PITRM1: variants seen among roughly 807,000 people sequenced by gnomAD.
The protein encoded by PITRM1 is pitrilysin metallopeptidase 1.
Under a neutral mutation model 129.9 loss-of-function variants are expected in PITRM1, and 100 were observed. The observed-to-expected ratio is 0.77, with a 90% CI of 0.65 to 0.91. PITRM1 has a LOEUF of 0.91. Ranked by LOEUF, PITRM1 falls within the 40% of genes least tolerant of loss-of-function variation. PITRM1 has a pLI of 0.00. For missense variants in PITRM1, 1,471 were observed against 1,318.3 expected (o/e 1.12, Z -1.79); for synonymous variants, 591 against 508.8 (o/e 1.16, Z -2.17).
chr10:3,161,968 C>T (rs1290042472), intron 7 of PITRM1, among the ~76,000 whole-genome samples: 1 of 151,782 alleles, frequency 6.6e-6, no homozygotes, highest in South Asian at 2.1e-4. Context: ...CTCAGAAGTT[C>T]AAGACCAGCC....
chr10:3,138,492 C>A (rs1360126695), intron 25 of PITRM1, 155 bp from the exon 26 acceptor site: 1 of 654,548 alleles, frequency 1.5e-6, no homozygotes, highest in Non-Finnish European at 2.7e-6. Context: ...GAGATCACAC[C>A]CCGACCTCCA....
Position 3,163,718 on chromosome 10 carries a change from A to G in PITRM1, c.791+7T>C. The G allele has an allele frequency of 6.3e-7, 1 of 1,589,116 alleles. No homozygotes were observed. Among genetic ancestry groups the G allele is most frequent in the Non-Finnish European group, 8.6e-7 (1 of 1,167,772 alleles). Reference sequence around the variant, plus strand: ...TCCACCATCAAACTTTTCCAACAAAATATTACCTAGCATTGCTTGGGTGAT... The same window carrying G: ...TCCACCATCAAACTTTTCCAACAAAGTATTACCTAGCATTGCTTGGGTGAT... On this transcript the variant is annotated splice_region_variant and intron_variant, in intron 7 of 26. Coordinates refer to ENST00000224949, the MANE Select transcript of PITRM1 (RefSeq NM_014889.4).
intron 11 of PITRM1, 38 bp downstream of exon 11, chr10:3,158,002 G>A (rs767882879): frequency 1.3e-5 from 17 of 1,275,624 alleles, no homozygotes; most frequent in East Asian, 1.1e-4. Flanking sequence ...ACAGGAATGA[G>A]GAACGAAAGC....
intron 2 of PITRM1, 53 bp downstream of exon 2, chr10:3,170,051 C>T: frequency 7.4e-7 from 1 of 1,355,308 alleles, no homozygotes; most frequent in South Asian, 1.2e-5. Flanking sequence ...AGGCCAGAAG[C>T]CGCACCTGCA....
intron 1 of PITRM1, chr10:3,172,035 C>G: frequency 3.0e-6 from 1 of 329,508 alleles, no homozygotes; most frequent in Non-Finnish European, 6.1e-6. Context: ...ACTGATTTAG[C>G]AAATTTCAGA....
rs551378161 is a variant in PITRM1 at position 3,145,374 on chromosome 10, G to A, written c.2457+222C>T. 4.8e-5 allele frequency: 26 copies of A among 544,602 alleles called. No individual in the cohort carries two copies. The Middle Eastern group carries it at 1.5e-3, about 31-fold the overall frequency. 33.7% of individuals were successfully genotyped at this position (544,602 alleles called of 1,614,324 possible). ...CTCACTGCAAGGCACAGAAGTGAGC[G>A]CGGGATCTAAGGCCACACCGCAGGG... On this transcript the variant is annotated intron_variant, in intron 21 of 26. Transcript: ENST00000224949.
At chr10:3,157,574 G>T (rs375640403) in intron 11 of PITRM1, 43 bp from the exon 12 acceptor site, 3 of 1,271,744 alleles carry the variant, frequency 2.4e-6, no homozygotes, top group East Asian at 4.7e-5. Flanking sequence ...AGACACAATG[G>T]CTCATGCTTG....
chr10:3,152,794 G>A (rs984226629), intron 14 of PITRM1, among the ~76,000 whole-genome samples: 7 of 152,206 alleles, frequency 4.6e-5, no homozygotes, highest in African/African-American at 1.7e-4. Context: ...TGGTCCCTGG[G>A]CCCACCTGCG....
chr10:3,163,840 G>C lies in PITRM1; in HGVS notation c.676C>G (p.Leu226Val). 1 of 1,612,382 alleles carries C rather than the reference G, an allele frequency of 6.2e-7. No individual in the cohort carries two copies. The highest frequency in any genetic ancestry group is 8.5e-7 in the Non-Finnish European group (1 of 1,178,982). Residue 226 changes from leucine to valine, a missense_variant, in exon 7 of 27, where the codon CTT (leucine) becomes GTT (valine). By Grantham distance (32) the Leu-to-Val change is conservative (BLOSUM62 1). Coordinates refer to ENST00000224949, the MANE Select transcript of PITRM1 (RefSeq NM_014889.4). ...IFSQHLQNRL[L>V]PDHTYSVVSG... Reference sequence around the variant, plus strand: ...ACCACTGAGTACGTGTGGTCAGGAAGAAGTCTGTTCTGAAGGTGCTGGGAG... The same window carrying C: ...ACCACTGAGTACGTGTGGTCAGGAACAAGTCTGTTCTGAAGGTGCTGGGAG...
Position 3,149,966 on chromosome 10 carries a change from C to A in PITRM1, c.1739-213G>T, listed in dbSNP as rs2291104. Among the ~76,000 whole-genome samples the A allele has an allele frequency of 0.67, 102,103 of 151,962 alleles. 34,435 individuals carry two copies. Among genetic ancestry groups the A allele is most frequent in the Non-Finnish European group, 0.7 (47,719 of 67,976 alleles). On this transcript the variant is annotated intron_variant, in intron 15 of 26. Transcript: ENST00000224949. ...ACCCGTGCTCTCCAAGGAATGGGAA[C>A]GGAAGGATGGAACCACGAACTTCTG...
chr10:3,170,678 G>A (rs935111761), intron 1 of PITRM1, among the ~76,000 whole-genome samples: 9 of 152,202 alleles, frequency 5.9e-5, no homozygotes, highest in Admixed American at 3.3e-4. Context: ...GAATAACTTT[G>A]GAAAAGCACT....
chr10:3,145,485 G>T, intron 21 of PITRM1, 111 bp downstream of exon 21: 1 of 864,264 alleles, frequency 1.2e-6, no homozygotes, highest in South Asian at 1.7e-5. Context: ...CGGGGGATAT[G>T]AACCCCCACA....
At chr10:3,160,169 T>C in intron 8 of PITRM1, 35 bp downstream of exon 8, 1 of 1,610,112 alleles carries the variant, frequency 6.2e-7, no homozygotes, top group Non-Finnish European at 8.5e-7. Flanking sequence ...TCAACATATT[T>C]ACCAGGAAGG....
At chr10:3,139,437 G>T (rs1343143806) in intron 24 of PITRM1, among the ~76,000 whole-genome samples, 3 of 152,160 alleles carry the variant, frequency 2.0e-5, no homozygotes, top group African/African-American at 7.2e-5. Context: ...TCTCCCTGAA[G>T]ACACACCCAG....
chr10:3,165,096 T>C (rs1380703132), intron 6 of PITRM1, 142 bp downstream of exon 6: 5 of 708,314 alleles, frequency 7.1e-6, no homozygotes, highest in Non-Finnish European at 1.2e-5. Flanking sequence ...CGACTTCTGC[T>C]CACAGCACTG....
At chr10:3,169,672 G>A (rs1352067548) in intron 2 of PITRM1, among the ~76,000 whole-genome samples, 3 of 152,152 alleles carry the variant, frequency 2.0e-5, no homozygotes, top group African/African-American at 7.2e-5. Context: ...GTCCACAATT[G>A]CTTCTTTATC....
chr10:3,172,789 C>T (rs747853418), upstream of PITRM1: 29 of 1,506,946 alleles, frequency 1.9e-5, no homozygotes, highest in African/African-American at 6.5e-5. Flanking sequence ...TGACGAGCAC[C>T]TGGCTGGCGA....
At chr10:3,142,487 CAT>C (rs1313510462) in intron 23 of PITRM1, among the ~76,000 whole-genome samples, 2 of 152,274 alleles carry the variant, frequency 1.3e-5, no homozygotes, top group African/African-American at 2.4e-5. Flanking sequence ...CGGGATATAA[CAT>C]GTTTGCACAT....
intron 11 of PITRM1, 34 bp downstream of exon 11, chr10:3,158,006 C>G: frequency 1.5e-6 from 2 of 1,335,440 alleles, no homozygotes; most frequent in Non-Finnish European, 2.2e-6. Context: ...GAATGAGGAA[C>G]GAAAGCAGAT....
Sources: allele counts gnomAD v4.1 joint callset (sites outside exome capture counted in the v4.1 genomes callset), GRCh38; gene constraint gnomAD v4.1.1; transcripts MANE v1.5; gene names NCBI Gene and HGNC (gene_info 2026-07-23, HGNC 2026-07-21).